PLCL1: variants seen among roughly 807,000 people sequenced by gnomAD.
The protein encoded by PLCL1 is phospholipase C like 1 (inactive).
In PLCL1, 41 loss-of-function variants were observed where a neutral mutation model predicts 84.4. The observed-to-expected ratio is 0.49, with a 90% CI of 0.38 to 0.63. The LOEUF is 0.63. Among genes scored for constraint, PLCL1 ranks in the 30% least tolerant of loss-of-function variants. The pLI is 0.00. For missense variants in PLCL1, 1,206 were observed against 1,367.8 expected (o/e 0.88, Z 1.87); for synonymous variants, 490 against 488.3 (o/e 1.00, Z -0.05).
intron 1 of PLCL1, among the ~76,000 whole-genome samples, chr2:197,938,378 A>G (rs141974627): frequency 2.5e-4 from 38 of 152,338 alleles, no homozygotes; most frequent in African/African-American, 9.1e-4. Context: ...CCAAAATTCC[A>G]GAATAGTTTC....
chr2:197,900,305 G>A (rs1232345114), intron 1 of PLCL1, among the ~76,000 whole-genome samples: 1 of 152,152 alleles, frequency 6.6e-6, no homozygotes, highest in Non-Finnish European at 1.5e-5. Flanking sequence ...TATTAAGTAG[G>A]ACAGTAAATT....
chr2:198,094,595 G>A (rs535736162), intron 3 of PLCL1, among the ~76,000 whole-genome samples: 2 of 152,240 alleles, frequency 1.3e-5, no homozygotes, highest in Admixed American at 6.5e-5. Context: ...GTTCCCTAGG[G>A]TTAAGACTTT....
chr2:197,953,494 G>A (rs142491403), intron 1 of PLCL1, among the ~76,000 whole-genome samples: 10 of 152,112 alleles, frequency 6.6e-5, no homozygotes, highest in African/African-American at 2.4e-4. Flanking sequence ...AGTGCAAGTT[G>A]CTTGTCTGCC....
intron 3 of PLCL1, among the ~76,000 whole-genome samples, chr2:198,093,761 G>A (rs1693113811): frequency 6.6e-6 from 1 of 152,080 alleles, no homozygotes; most frequent in Admixed American, 6.6e-5. Context: ...AGATACAAAT[G>A]TTTTCTTTTT....
At chr2:197,906,240 G>A (rs1688379371) in intron 1 of PLCL1, among the ~76,000 whole-genome samples, 1 of 151,976 alleles carries the variant, frequency 6.6e-6, no homozygotes, top group Non-Finnish European at 1.5e-5. Context: ...GTTAATTTTT[G>A]TGTAAGGTGT....
intron 1 of PLCL1, among the ~76,000 whole-genome samples, chr2:197,918,006 G>A (rs1462365579): frequency 6.6e-6 from 1 of 152,162 alleles, no homozygotes; most frequent in African/African-American, 2.4e-5. Flanking sequence ...AGTGTGGAAA[G>A]GTGGGTTAAA....
intron 5 of PLCL1, among the ~76,000 whole-genome samples, chr2:198,133,325 A>G (rs1425027465): frequency 2.9e-5 from 4 of 139,838 alleles, no homozygotes; most frequent in Admixed American, 1.6e-4. Context: ...GAATTGAACA[A>G]TGAGATCACA....
At chr2:198,016,717 C>A (rs1392672944) in intron 1 of PLCL1, among the ~76,000 whole-genome samples, 1 of 152,198 alleles carries the variant, frequency 6.6e-6, no homozygotes, top group Non-Finnish European at 1.5e-5. Context: ...TTACTTAGGG[C>A]TCAACTTTGA....
chr2:197,850,176 A>G (rs1055369899), intron 1 of PLCL1, among the ~76,000 whole-genome samples: 4 of 152,128 alleles, frequency 2.6e-5, no homozygotes, highest in Admixed American at 2.6e-4. Context: ...CCTCATTAGT[A>G]CTGCGACAGG....
At position 198,065,971 on chromosome 2, in the gene PLCL1, G is replaced by A. The variant is rs148423877; in HGVS notation, c.241-17787G>A. On this transcript the variant is annotated intron_variant, in intron 1 of 5. Coordinates refer to ENST00000428675, the MANE Select transcript of PLCL1 (RefSeq NM_006226.4). ...CTTTTATTATATAATATTAGTAATC[G>A]TGTCAAATTCCTAATTATACCAAAT... 2.6e-4 allele frequency among the ~76,000 whole-genome samples: 39 copies of A among 152,010 alleles called. No homozygotes were observed. The East Asian group carries it at 6.6e-3, about 26-fold the overall frequency.
In PLCL1 at chr2:197,845,204, C is replaced by T. The variant is rs140854871; in HGVS notation, c.240+39865C>T. On this transcript the variant is annotated intron_variant, in intron 1 of 5. Coordinates refer to ENST00000428675, the MANE Select transcript of PLCL1 (RefSeq NM_006226.4). ...GCTCTGAATTCTTACCTTTGAGGGG[C>T]GGCATACAATTTATTCAGGAAAATG... Among the ~76,000 whole-genome samples the T allele has an allele frequency of 1.0e-3, 155 of 151,994 alleles. 1 individual carries two copies. The highest frequency in any genetic ancestry group is 3.6e-3 in the African/African-American group (150 of 41,480).
chr2:198,120,332 A>G (rs922935572), intron 5 of PLCL1, among the ~76,000 whole-genome samples: 9 of 151,992 alleles, frequency 5.9e-5, no homozygotes. Flanking sequence ...TAAACCAATT[A>G]TACTCTTTTA....
intron 1 of PLCL1, among the ~76,000 whole-genome samples, chr2:198,025,188 A>G (rs1038689421): frequency 3.9e-5 from 6 of 152,116 alleles, no homozygotes; most frequent in African/African-American, 1.4e-4. Flanking sequence ...TCTGTTCTCT[A>G]TACCCTTTTA....
chr2:197,844,320 C>T (rs1239209099), intron 1 of PLCL1, among the ~76,000 whole-genome samples: 2 of 152,008 alleles, frequency 1.3e-5, no homozygotes, highest in Non-Finnish European at 2.9e-5. Flanking sequence ...TTTCTGACCC[C>T]GTAGGTTAGT....
intron 1 of PLCL1, among the ~76,000 whole-genome samples, chr2:197,863,343 G>A (rs1017564083): frequency 1.3e-4 from 20 of 152,138 alleles, no homozygotes; most frequent in African/African-American, 4.3e-4. Context: ...GTGTTTAAAA[G>A]TACTCAAAAC....
intron 5 of PLCL1, among the ~76,000 whole-genome samples, chr2:198,135,657 G>A (rs1694239100): frequency 6.6e-6 from 1 of 152,158 alleles, no homozygotes; most frequent in Non-Finnish European, 1.5e-5. Flanking sequence ...TTTTCTGTAA[G>A]TGGATTAGGC....
chr2:198,002,977 T>C (rs1410204603), intron 1 of PLCL1, among the ~76,000 whole-genome samples: 3 of 152,216 alleles, frequency 2.0e-5, no homozygotes, highest in Non-Finnish European at 2.9e-5. Context: ...ATGTGAACTA[T>C]GTTACCATTT....
chr2:197,955,403 T>G (rs1279966141), intron 1 of PLCL1, among the ~76,000 whole-genome samples: 2 of 151,114 alleles, frequency 1.3e-5, no homozygotes, highest in Non-Finnish European at 3.0e-5. Context: ...ATTTTTATTT[T>G]TTATCTAATT....
chr2:198,116,742 T>G (rs552944843), intron 5 of PLCL1, among the ~76,000 whole-genome samples: 2 of 152,034 alleles, frequency 1.3e-5, no homozygotes, highest in South Asian at 4.1e-4. Flanking sequence ...CAAGTCGTTA[T>G]GTAGAAGCTC....
Sources: gnomAD v4.1 joint callset for allele counts (sites outside exome capture counted in the v4.1 genomes callset) on GRCh38, gnomAD v4.1.1 for gene constraint, MANE v1.5 for transcripts, NCBI Gene and HGNC (gene_info 2026-07-23, HGNC 2026-07-21) for gene names.